The following SEPTIN3 variants were observed in gnomAD, a reference collection of about 807,000 sequenced individuals.
The protein encoded by SEPTIN3 is neuronal-specific septin-3.
In SEPTIN3, 15 loss-of-function variants were observed where a neutral mutation model predicts 45.1. The ratio of observed to expected loss-of-function variants is 0.33; its 90% confidence interval spans 0.22 to 0.51. The LOEUF (loss-of-function observed/expected upper bound fraction) is 0.51. SEPTIN3 is among the 20% of genes least tolerant of loss of function. SEPTIN3 has a pLI of 0.97. For missense variants in SEPTIN3, 289 were observed against 457.2 expected (o/e 0.63, Z 3.35); for synonymous variants, 148 against 164.8 (o/e 0.90, Z 0.78).
chr22:41,997,464 G>C lies in SEPTIN3; in HGVS notation c.*497G>C, dbSNP rs1920988257. ...TCATTACTTAAAGATATTCATGAGGGTGGGTCACTACAGATGTTGGGGAGC... is the reference window on the plus strand; with the variant it reads ...TCATTACTTAAAGATATTCATGAGGCTGGGTCACTACAGATGTTGGGGAGC... On this transcript the variant is annotated 3_prime_UTR_variant, in exon 12 of 12. Coordinates refer to ENST00000644076, the MANE Select transcript of SEPTIN3 (RefSeq NM_001363845.2). 2 of 154,690 alleles carry C rather than the reference G, an allele frequency of 1.3e-5. No individual in the cohort carries two copies. The highest frequency in any genetic ancestry group is 6.5e-5 in the Admixed American group (1 of 15,426). 9.6% of individuals were successfully genotyped at this position (154,690 alleles called of 1,614,324 possible).
chr22:41,994,745 A>G lies in SEPTIN3; in HGVS notation c.2505+31A>G. The G allele has an allele frequency of 6.2e-7, 1 of 1,614,130 alleles. No homozygotes were observed. The highest frequency in any genetic ancestry group is 8.5e-7 in the Non-Finnish European group (1 of 1,180,022). On this transcript the variant is annotated intron_variant, in intron 11 of 11. Coordinates refer to ENST00000644076, the MANE Select transcript of SEPTIN3 (RefSeq NM_001363845.2). This position sits in a 1 kb window ranked among gnomAD's most constrained non-coding sequence, Gnocchi z 4.2. Reference sequence around the variant, plus strand: ...CGTGGACACAGAGGAAAGCCACGACAGTAACCCATGACGACCACTTCTCTG... The same window carrying G: ...CGTGGACACAGAGGAAAGCCACGACGGTAACCCATGACGACCACTTCTCTG...
At position 41,972,060 on chromosome 22, in the gene SEPTIN3, T is replaced by C. The variant is rs1000654027; in HGVS notation, c.568T>C (p.Tyr190His). 2 of 398,916 alleles carry C rather than the reference T, an allele frequency of 5.0e-6. No homozygotes were observed. The highest frequency in any genetic ancestry group is 4.1e-5 in the African/African-American group (2 of 48,630). 24.7% of individuals were successfully genotyped at this position (398,916 alleles called of 1,614,324 possible). ...CACGGAGAAGCCCCTGGTGAGTTCC[T>C]ACCTAGCCTTACCTTTCCAATCCCG... ...LATEKPLVSS[Y>H]LALPFQSRLA... The change falls in exon 2 of 12, where the codon TAC (tyrosine) becomes CAC (histidine). Residue 190 changes from tyrosine (Y) to histidine (H), a missense_variant. Tyr to His is a moderately conservative substitution (Grantham distance 83, BLOSUM62 2). Transcript: ENST00000644076.
intron 2 of SEPTIN3, among the ~76,000 whole-genome samples, 184 bp downstream of exon 2, chr22:41,973,180 CT>C (rs2077976958): frequency 6.6e-6 from 1 of 152,074 alleles, no homozygotes; most frequent in South Asian, 2.1e-4. Flanking sequence ...GTACCCTGAG[CT>C]GGGTTCTAAC....
chr22:41,993,048 T>G (rs915498918), intron 9 of SEPTIN3, among the ~76,000 whole-genome samples: 1 of 152,198 alleles, frequency 6.6e-6, no homozygotes, highest in Non-Finnish European at 1.5e-5. Context: ...AAGGTTTTCA[T>G]AGGAAGGGGG....
intron 3 of SEPTIN3, among the ~76,000 whole-genome samples, chr22:41,982,927 GA>G (rs1315462946): frequency 6.6e-6 from 1 of 151,948 alleles, no homozygotes. Flanking sequence ...AGTAGGAAGG[GA>G]CCTTTGCCCC....
At chr22:41,984,567 G>A (rs1472993820) in intron 3 of SEPTIN3, among the ~76,000 whole-genome samples, 2 of 152,190 alleles carry the variant, frequency 1.3e-5, no homozygotes, top group Admixed American at 6.5e-5. Context: ...ACAGAGTCTC[G>A]CTGTGTTGCC....
intron 3 of SEPTIN3, chr22:41,985,699 C>G (rs112204402): frequency 4.8e-6 from 1 of 207,462 alleles, no homozygotes; most frequent in African/African-American, 2.3e-5. Context: ...CAGAAAACCA[C>G]GACACTAGAC....
In SEPTIN3 at chr22:41,994,438, TC is replaced by T; in HGVS notation, c.2411+98del. 3 of 1,513,084 alleles carry T rather than the reference TC, an allele frequency of 2.0e-6. No individual in the cohort carries two copies. Among genetic ancestry groups the T allele is most frequent in the Non-Finnish European group, 2.7e-6 (3 of 1,094,782 alleles). 93.7% of individuals were successfully genotyped at this position (1,513,084 alleles called of 1,614,324 possible). ...TTCACCTCCTGCATCTCCAGGTCTCTCTGACAGAGCTTTCTGCCCCAGTTCC... is the reference window on the plus strand; with the variant it reads ...TTCACCTCCTGCATCTCCAGGTCTCTTGACAGAGCTTTCTGCCCCAGTTCC... On this transcript the variant is annotated intron_variant, in intron 10 of 11. Coordinates refer to ENST00000644076, the MANE Select transcript of SEPTIN3 (RefSeq NM_001363845.2). The surrounding 1 kb of genome is among the most constrained non-coding windows in gnomAD (Gnocchi z 4.2).
At chr22:41,971,219 G>C (rs973618571) in intron 1 of SEPTIN3, among the ~76,000 whole-genome samples, 1 of 152,168 alleles carries the variant, frequency 6.6e-6, no homozygotes, top group Admixed American at 6.5e-5. Flanking sequence ...CTGCTCACTG[G>C]ACGTGCCCAC....
chr22:41,972,401 G>T lies in SEPTIN3; in HGVS notation c.909G>T (p.Lys303Asn). The T allele has an allele frequency of 2.5e-6, 1 of 399,112 alleles. No individual in the cohort carries two copies. The highest frequency in any genetic ancestry group is 4.4e-5 in the Admixed American group (1 of 22,736). The allele number at this position is 399,112 out of a possible 1,614,324, so 24.7% of individuals were successfully genotyped here. A position where few individuals can be genotyped will look rare whatever the true frequency, so the allele number is the denominator to read the frequency against. Reference protein sequence around the residue: ...TGTEFPALDIKLGTARDLSSV... With the variant: ...TGTEFPALDINLGTARDLSSV... ...CAGAGTTCCCTGCCCTGGATATCAAGCTGGGCACAGCCAGAGACTTGTCTT... is the reference window on the plus strand; with the variant it reads ...CAGAGTTCCCTGCCCTGGATATCAATCTGGGCACAGCCAGAGACTTGTCTT... Residue 303 changes from lysine to asparagine, a missense_variant, in exon 2 of 12, where the codon AAG (lysine) becomes AAT (asparagine). Lys to Asn is a moderately conservative substitution (Grantham distance 94). Around this residue, in one of 3 missense-constraint regions of SEPTIN3, gnomAD observed 200 missense variants for 315.1 expected, o/e 0.63. Transcript: ENST00000644076.
chr22:41,994,922 T>TGTGTGTGTGTGTGA lies in SEPTIN3; in HGVS notation c.2505+209_2505+210insTGTGTGTGTGTGAG. ...GTGTGTGTGTGTGTGTGTGTGTGTG[T>TGTGTGTGTGTGTGA]GACAGAGAGAGAGCGAGAGAGCCTG... On this transcript the variant is annotated intron_variant, in intron 11 of 11. Coordinates refer to ENST00000644076, the MANE Select transcript of SEPTIN3 (RefSeq NM_001363845.2). This position sits in a 1 kb window ranked among gnomAD's most constrained non-coding sequence, Gnocchi z 4.2. The TGTGTGTGTGTGTGA allele has an allele frequency of 7.7e-7, 1 of 1,297,264 alleles. No individual in the cohort carries two copies. The highest frequency in any genetic ancestry group is 2.6e-5 in the East Asian group (1 of 37,854). The allele number at this position is 1,297,264 out of a possible 1,614,324, so 80.4% of individuals were successfully genotyped here.
intron 6 of SEPTIN3, 130 bp from the exon 7 acceptor site, chr22:41,989,437 T>G (rs1602419373): frequency 3.0e-6 from 2 of 676,960 alleles, no homozygotes; most frequent in Non-Finnish European, 5.5e-6. Context: ...AGACGAGAGG[T>G]AGCAGCCTCT....
chr22:41,995,852 G>C (rs2078425723), intron 11 of SEPTIN3: 2 of 861,154 alleles, frequency 2.3e-6, no homozygotes, highest in Admixed American at 1.2e-4. Flanking sequence ...ACACATGCTA[G>C]TCATGTGAGA....
rs1210450691 is a variant in SEPTIN3, at chr22:41,985,940, G to A, written c.1697-44G>A. ...TATGGAGAAATATTAGGCTCAGGAG[G>A]TGGATGCAGAGTCTCCCTACCTCCT... is the stretch of plus-strand genomic sequence containing the variant. On this transcript the variant is annotated intron_variant, in intron 3 of 11. Transcript: ENST00000644076. 9 of 1,561,646 alleles carry A rather than the reference G, an allele frequency of 5.8e-6. No homozygotes were observed. In the African/African-American group the frequency reaches 1.1e-4, roughly 19 times the overall value.
At chr22:41,990,333 C>T (rs1241824668) in intron 7 of SEPTIN3, among the ~76,000 whole-genome samples, 2 of 150,560 alleles carry the variant, frequency 1.3e-5, no homozygotes, top group African/African-American at 4.9e-5. Context: ...GGATTACAGG[C>T]GTGAGCCACC....
rs779236773 is a variant in SEPTIN3 at position 41,994,252 on chromosome 22, C to A, written c.2360-38C>A. 2 of 1,606,976 alleles carry A rather than the reference C, an allele frequency of 1.2e-6. No individual in the cohort carries two copies. The highest frequency in any genetic ancestry group is 1.7e-6 in the Non-Finnish European group (2 of 1,175,422). On this transcript the variant is annotated intron_variant, in intron 9 of 11. Coordinates refer to ENST00000644076, the MANE Select transcript of SEPTIN3 (RefSeq NM_001363845.2). This position sits in a 1 kb window ranked among gnomAD's most constrained non-coding sequence, Gnocchi z 4.2. ...TCCTGGGTGTTGCTGTATTAATGAA[C>A]TGACTACCTGTTTTGCTTTGTTTTG... is the stretch of plus-strand genomic sequence containing the variant.
intron 1 of SEPTIN3, among the ~76,000 whole-genome samples, chr22:41,970,315 G>T (rs954518758): frequency 6.6e-6 from 1 of 152,012 alleles, no homozygotes; most frequent in African/African-American, 2.4e-5. Flanking sequence ...CTTCATCCTC[G>T]ACACCTCTTT....
intron 2 of SEPTIN3, among the ~76,000 whole-genome samples, chr22:41,979,883 C>T (rs1044065316): frequency 6.6e-6 from 1 of 152,168 alleles, no homozygotes; most frequent in Non-Finnish European, 1.5e-5. Flanking sequence ...CCATCTGCTG[C>T]TCCATCAGGC....
At chr22:41,974,659 T>C (rs1602409565) in intron 2 of SEPTIN3, among the ~76,000 whole-genome samples, 1 of 130,950 alleles carries the variant, frequency 7.6e-6, no homozygotes, top group Non-Finnish European at 1.6e-5. Flanking sequence ...TGAGACTCCG[T>C]CTCAAAAAAA....
Sources: allele counts gnomAD v4.1 joint callset (sites outside exome capture counted in the v4.1 genomes callset), GRCh38; gene constraint gnomAD v4.1.1; regional missense constraint gnomAD v4.1.1; non-coding constraint Gnocchi (gnomAD v3.1); transcripts MANE v1.5; gene names NCBI Gene and HGNC (gene_info 2026-07-23, HGNC 2026-07-21).